Variants in CNTNAP5 observed in about 807,000 individuals in gnomAD.
The protein encoded by CNTNAP5 is contactin associated protein family member 5.
Under a neutral mutation model 150.2 loss-of-function variants are expected in CNTNAP5, and 72 were observed. The ratio of observed to expected loss-of-function variants is 0.48; its 90% CI spans 0.40 to 0.58. CNTNAP5 has a LOEUF of 0.58. Among genes scored for constraint, CNTNAP5 ranks in the 20% least tolerant of loss-of-function variants. CNTNAP5 has a pLI of 0.00. For synonymous variants in CNTNAP5, 672 were observed against 619.8 expected (o/e 1.08, Z -1.25); for missense variants, 1,636 against 1,626.2 (o/e 1.01, Z -0.10).
chr2:124,785,027 G>A (rs1393483202), intron 17 of CNTNAP5, among the ~76,000 whole-genome samples: 20 of 115,216 alleles, frequency 1.7e-4, no homozygotes, highest in African/African-American at 5.9e-4. Flanking sequence ...AAAGAGCTCA[G>A]AGATTAAGGC....
At position 124,044,393 on chromosome 2, in the gene CNTNAP5, G is replaced by A. The variant is rs1345274439; in HGVS notation, c.82+18661G>A. 2.0e-5 allele frequency among the ~76,000 whole-genome samples: 3 copies of A among 152,174 alleles called. No individual in the cohort carries two copies. In the East Asian group the frequency reaches 5.8e-4, roughly 29 times the overall value. On this transcript the variant is annotated intron_variant, in intron 1 of 23. Coordinates refer to ENST00000682447, the MANE Select transcript of CNTNAP5 (RefSeq NM_001367498.1). ...ACTGTGTCCTTTACGCTGGAGAAAA[G>A]ATTTCACAACCCAGGTAGGATGTGA...
chr2:124,550,933 T>C (rs969768406), intron 10 of CNTNAP5, among the ~76,000 whole-genome samples: 10 of 152,144 alleles, frequency 6.6e-5, no homozygotes, highest in African/African-American at 2.2e-4. Context: ...ATACTAACAA[T>C]ATTAGTATGC....
chr2:124,539,827 T>C (rs953193332), intron 10 of CNTNAP5, among the ~76,000 whole-genome samples: 2 of 152,218 alleles, frequency 1.3e-5, no homozygotes, highest in Admixed American at 6.5e-5. Flanking sequence ...TAACCTATTT[T>C]ATTTTTTAGA....
At chr2:124,752,883 A>C (rs1298765966) in intron 14 of CNTNAP5, among the ~76,000 whole-genome samples, 1 of 152,160 alleles carries the variant, frequency 6.6e-6, no homozygotes, top group African/African-American at 2.4e-5. Context: ...ATCCAGCAAG[A>C]GGCGTCAAAG....
chr2:124,515,788 C>T (rs943527885), intron 8 of CNTNAP5, among the ~76,000 whole-genome samples: 1 of 152,132 alleles, frequency 6.6e-6, no homozygotes, highest in African/African-American at 2.4e-5. Context: ...ACACATGGTC[C>T]AGCTGGAGCA....
intron 13 of CNTNAP5, among the ~76,000 whole-genome samples, chr2:124,713,178 TCCTCC>T (rs757415399): frequency 8.6e-4 from 90 of 104,972 alleles, no homozygotes; most frequent in South Asian, 1.7e-3. Context: ...CTCTCTCTTT[TCCTCC>T]TTCCTTCCTT....
chr2:124,895,898 G>T (rs1678294325), intron 21 of CNTNAP5, among the ~76,000 whole-genome samples: 1 of 151,566 alleles, frequency 6.6e-6, no homozygotes, highest in African/African-American at 2.4e-5. Flanking sequence ...CTGAAAAAAA[G>T]GAGCCTGTCA....
chr2:124,733,773 G>A (rs1340226233), intron 13 of CNTNAP5, among the ~76,000 whole-genome samples: 1 of 152,168 alleles, frequency 6.6e-6, no homozygotes, highest in East Asian at 1.9e-4. Context: ...CTAGTTGAGT[G>A]CATGTGTGCA....
At chr2:124,296,934 C>T (rs1194551134) in intron 3 of CNTNAP5, among the ~76,000 whole-genome samples, 1 of 152,146 alleles carries the variant, frequency 6.6e-6, no homozygotes, top group South Asian at 2.1e-4. Flanking sequence ...GTTCAGCAAA[C>T]GTTGCAACAT....
chr2:124,790,977 G>A (rs985648677), intron 18 of CNTNAP5, among the ~76,000 whole-genome samples: 2 of 152,142 alleles, frequency 1.3e-5, no homozygotes, highest in Non-Finnish European at 2.9e-5. Context: ...GAAAAAGTTT[G>A]TTCAGTAAAT....
chr2:124,747,342 G>A lies in CNTNAP5; in HGVS notation c.2191G>A (p.Asp731Asn). The A allele has an allele frequency of 6.2e-7, 1 of 1,613,778 alleles. No homozygotes were observed. The highest frequency in any genetic ancestry group is 8.5e-7 in the Non-Finnish European group (1 of 1,179,768). The change falls in exon 14 of 24, where the codon GAC becomes AAC. Residue 731 changes from aspartate (D) to asparagine (N), a missense_variant. Coordinates refer to ENST00000682447, the MANE Select transcript of CNTNAP5 (RefSeq NM_001367498.1). ...CECGLDESCL[D>N]IQHFCNCDAD... Reference sequence around the variant, plus strand: ...GTGTGGCCTAGACGAGAGCTGCCTGGACATTCAGCACTTTTGCAATTGCGA... The same window carrying A: ...GTGTGGCCTAGACGAGAGCTGCCTGAACATTCAGCACTTTTGCAATTGCGA...
At chr2:124,472,679 A>G (rs988016234) in intron 6 of CNTNAP5, among the ~76,000 whole-genome samples, 3 of 151,830 alleles carry the variant, frequency 2.0e-5, no homozygotes, top group African/African-American at 7.2e-5. Flanking sequence ...AGTCGCACAA[A>G]GTTTTTGGTT....
rs150415382 is a variant in CNTNAP5 at position 124,915,195 on chromosome 2, T to TAC, written c.*929_*930dup. 481 of 151,652 alleles carry TAC rather than the reference T, an allele frequency of 3.2e-3. 1 individual carries two copies. The highest frequency in any genetic ancestry group is 0.019 in the East Asian group (96 of 5,056). 9.4% of individuals were successfully genotyped at this position (151,652 alleles called of 1,614,324 possible). A position where few individuals can be genotyped will look rare whatever the true frequency, so the allele number is the denominator to read the frequency against. ...ATGTATATATATATGTGAGTATATA[T>TAC]ACACACACACACACACACACACATA... On this transcript the variant is annotated 3_prime_UTR_variant, in exon 24 of 24. Transcript: ENST00000682447.
intron 21 of CNTNAP5, among the ~76,000 whole-genome samples, chr2:124,893,871 A>C (rs745387068): frequency 6.6e-6 from 1 of 152,164 alleles, no homozygotes; most frequent in Non-Finnish European, 1.5e-5. Flanking sequence ...ACTCATCAGA[A>C]ATAACTGACT....
chr2:124,288,631 T>C (rs1688211419), intron 3 of CNTNAP5, among the ~76,000 whole-genome samples: 1 of 152,320 alleles, frequency 6.6e-6, no homozygotes, highest in African/African-American at 2.4e-5. Context: ...GAACTCATGA[T>C]TCTTGCTATT....
Position 124,236,756 on chromosome 2 carries a change from A to T in CNTNAP5, c.188-5444A>T, listed in dbSNP as rs140242806. 2.5e-3 allele frequency among the ~76,000 whole-genome samples: 387 copies of T among 152,294 alleles called. 1 individual carries two copies. Among genetic ancestry groups the T allele is most frequent in the African/African-American group, 8.7e-3 (363 of 41,566 alleles). ...GGCCTTCTGGAAGACAGCAGAAGTA[A>T]CTGCCTGGGAAACTTGTTTCCTATA... On this transcript the variant is annotated intron_variant, in intron 2 of 23. Coordinates refer to ENST00000682447, the MANE Select transcript of CNTNAP5 (RefSeq NM_001367498.1).
chr2:124,170,039 A>G (rs980642832), intron 1 of CNTNAP5, among the ~76,000 whole-genome samples: 16 of 152,302 alleles, frequency 1.1e-4, no homozygotes, highest in Middle Eastern at 3.4e-3. Flanking sequence ...ACTCAACTGT[A>G]TATTTAGGGA....
intron 7 of CNTNAP5, among the ~76,000 whole-genome samples, chr2:124,479,157 T>C (rs1166881637): frequency 1.3e-5 from 2 of 152,216 alleles, no homozygotes; most frequent in Non-Finnish European, 2.9e-5. Flanking sequence ...TATATGCTAA[T>C]ACAGCACTAT....
At chr2:124,427,520 A>T (rs1216029063) in intron 4 of CNTNAP5, among the ~76,000 whole-genome samples, 1 of 152,024 alleles carries the variant, frequency 6.6e-6, no homozygotes, top group East Asian at 1.9e-4. Context: ...GCAGTGACAC[A>T]ATCTTGGCTC....
Sources: allele counts gnomAD v4.1 joint callset (sites outside exome capture counted in the v4.1 genomes callset), GRCh38; gene constraint gnomAD v4.1.1; transcripts MANE v1.5; gene names NCBI Gene and HGNC (gene_info 2026-07-23, HGNC 2026-07-21).